The following RORA variants were observed in gnomAD, a reference collection of about 807,000 sequenced individuals.
RORA encodes nuclear receptor ROR-alpha.
RORA carries 7 observed loss-of-function variants against 69.5 expected under a neutral mutation model. That is an observed-to-expected ratio of 0.10 (90% confidence interval 0.06 to 0.19). The LOEUF (loss-of-function observed/expected upper bound fraction) is 0.19, where lower values mean the gene tolerates loss of function less well. Ranked by LOEUF, RORA falls within the 10% of genes least tolerant of loss-of-function variation. RORA has a pLI of 1.00. For missense variants in RORA, 457 were observed against 663.0 expected, an observed-to-expected ratio of 0.69 and a Z score of 3.41; for synonymous variants, 261 against 240.8, an observed-to-expected ratio of 1.08 and a Z score of -0.78.
chr15:60,594,290 C>A (rs2068619456), intron 2 of RORA, among the ~76,000 whole-genome samples: 1 of 152,210 alleles, frequency 6.6e-6, no homozygotes, highest in South Asian at 2.1e-4. Context: ...CCCAATGAGG[C>A]AACGCCCCTC....
intron 1 of RORA, among the ~76,000 whole-genome samples, chr15:60,811,797 T>C (rs1430716737): frequency 7.1e-6 from 1 of 141,372 alleles, no homozygotes; most frequent in Non-Finnish European, 1.5e-5. Flanking sequence ...CAAATACCTA[T>C]TTGATCATTA....
chr15:61,141,999 G>C (rs1350806569), intron 1 of RORA, among the ~76,000 whole-genome samples: 1 of 152,094 alleles, frequency 6.6e-6, no homozygotes, highest in African/African-American at 2.4e-5. Context: ...GGGTAAATAT[G>C]GGGAAAGCCT....
At chr15:60,620,099 A>G (rs577709405) in intron 2 of RORA, among the ~76,000 whole-genome samples, 1 of 152,374 alleles carries the variant, frequency 6.6e-6, no homozygotes. Context: ...TACCCTAACC[A>G]AACTCTGTTG....
chr15:60,810,920 T>G (rs1309719666), intron 1 of RORA, among the ~76,000 whole-genome samples: 2 of 152,224 alleles, frequency 1.3e-5, no homozygotes, highest in Non-Finnish European at 2.9e-5. Context: ...GATTAGGCCA[T>G]TTCCTTGGGG....
chr15:60,604,549 G>C (rs2068900641), intron 2 of RORA, among the ~76,000 whole-genome samples: 1 of 151,880 alleles, frequency 6.6e-6, no homozygotes, highest in Non-Finnish European at 1.5e-5. Flanking sequence ...TTCTTCTTTA[G>C]ACTCTCCACA....
At chr15:60,526,307 A>G (rs958644191) in intron 3 of RORA, among the ~76,000 whole-genome samples, 4 of 152,136 alleles carry the variant, frequency 2.6e-5, no homozygotes, top group African/African-American at 4.8e-5. Context: ...GCTTTGCCAT[A>G]CTCAGATCCA....
At chr15:60,842,481 G>C (rs1269636117) in intron 1 of RORA, among the ~76,000 whole-genome samples, 3 of 152,150 alleles carry the variant, frequency 2.0e-5, no homozygotes, top group Non-Finnish European at 4.4e-5. Context: ...ATTGCTTCCT[G>C]AGTTAGTTCT....
At chr15:60,824,192 G>A (rs1371435040) in intron 1 of RORA, among the ~76,000 whole-genome samples, 1 of 152,172 alleles carries the variant, frequency 6.6e-6, no homozygotes, top group African/African-American at 2.4e-5. Context: ...TAATCAGGAG[G>A]ATCTTTGTGA....
chr15:61,062,066 A>G (rs1042144381), intron 1 of RORA, among the ~76,000 whole-genome samples: 2 of 152,188 alleles, frequency 1.3e-5, no homozygotes, highest in East Asian at 1.9e-4. Context: ...CCGTCTCAAA[A>G]AAAAGTTAAT....
chr15:61,101,225 C>A (rs753192344), intron 1 of RORA, among the ~76,000 whole-genome samples: 4 of 152,102 alleles, frequency 2.6e-5, no homozygotes, highest in African/African-American at 4.8e-5. Context: ...AGACATGGCC[C>A]CTCCTCTTAG....
chr15:60,977,430 C>T (rs1162289158), intron 1 of RORA, among the ~76,000 whole-genome samples: 1 of 151,700 alleles, frequency 6.6e-6, no homozygotes, highest in African/African-American at 2.4e-5. Context: ...TAAATGCTTT[C>T]CTATGAAAAG....
At chr15:60,645,540 C>T (rs950754133) in intron 2 of RORA, among the ~76,000 whole-genome samples, 4 of 151,572 alleles carry the variant, frequency 2.6e-5, no homozygotes, top group African/African-American at 7.3e-5. Context: ...TACAGGCATG[C>T]GCCATCACGC....
intron 1 of RORA, among the ~76,000 whole-genome samples, chr15:61,138,870 G>A (rs914078241): frequency 2.0e-5 from 3 of 152,174 alleles, no homozygotes; most frequent in African/African-American, 7.2e-5. Flanking sequence ...CACAGGCCGG[G>A]CGCAGTGGCT....
At chr15:60,499,313 C>T (rs1015904744) in intron 10 of RORA, among the ~76,000 whole-genome samples, 1 of 152,120 alleles carries the variant, frequency 6.6e-6, no homozygotes, top group African/African-American at 2.4e-5. Context: ...GGGAGGATTG[C>T]TTGAGGCCAG....
chr15:61,101,594 T>A lies in RORA; in HGVS notation c.166+127459A>T, dbSNP rs184169083. On this transcript the variant is annotated intron_variant, in intron 1 of 10. Coordinates refer to ENST00000335670, the MANE Select transcript of RORA (RefSeq NM_134261.3). ...AATCTCCCCTTCTTTTCTCTGAGTA[T>A]CCTTCCTTTAAAATAAGAAAATAAC... is the stretch of plus-strand genomic sequence containing the variant. Among the ~76,000 whole-genome samples, 354 of 152,212 alleles carry A rather than the reference T, an allele frequency of 2.3e-3. 1 individual carries two copies. The highest frequency in any genetic ancestry group is 8.1e-3 in the African/African-American group (335 of 41,526).
At chr15:60,807,443 A>G (rs1241891573) in intron 1 of RORA, among the ~76,000 whole-genome samples, 1 of 152,240 alleles carries the variant, frequency 6.6e-6, no homozygotes, top group East Asian at 1.9e-4. Context: ...AACAAATGAA[A>G]ACATATCCCA....
At chr15:61,218,710 A>ACACACACACACAC (rs1555421365) in intron 1 of RORA, among the ~76,000 whole-genome samples, 1 of 150,138 alleles carries the variant, frequency 6.7e-6, no homozygotes. Context: ...ACACACACAC[A>ACACACACACACAC]ATTTCCTTCT....
chr15:60,718,026 C>T (rs1260658887), intron 1 of RORA, among the ~76,000 whole-genome samples: 3 of 151,864 alleles, frequency 2.0e-5, no homozygotes, highest in South Asian at 2.1e-4. Context: ...CTCGAACTCC[C>T]GACCTCAAGT....
intron 1 of RORA, among the ~76,000 whole-genome samples, chr15:61,184,068 C>T (rs2140907424): frequency 6.6e-6 from 1 of 152,328 alleles, no homozygotes; most frequent in Middle Eastern, 3.4e-3. Flanking sequence ...GTCCACAGAA[C>T]TCAAAAACAC....
Sources: gnomAD v4.1 joint callset for allele counts (sites outside exome capture counted in the v4.1 genomes callset) on GRCh38, gnomAD v4.1.1 for gene constraint, MANE v1.5 for transcripts, NCBI Gene and HGNC (gene_info 2026-07-23, HGNC 2026-07-21) for gene names.